ELMO1: variants seen among roughly 807,000 people sequenced by gnomAD.
ELMO1 encodes engulfment and cell motility 1.
In ELMO1, 26 loss-of-function variants were observed where a neutral mutation model predicts 98.9. The observed-to-expected ratio is 0.26, with a 90% CI of 0.19 to 0.36. ELMO1 has a LOEUF of 0.36. Ranked by LOEUF, ELMO1 falls within the 10% of genes least tolerant of loss-of-function variation. The probability of loss-of-function intolerance (pLI) is 1.00; values close to 1 mark genes in which losing one functional copy is unlikely to be tolerated. For synonymous variants in ELMO1, 346 were observed against 346.0 expected (o/e 1.00, Z 0.00); for missense variants, 627 against 935.2 (o/e 0.67, Z 4.30).
At chr7:37,326,558 A>G (rs1247084558) in intron 2 of ELMO1, among the ~76,000 whole-genome samples, 1 of 148,322 alleles carries the variant, frequency 6.7e-6, no homozygotes, top group African/African-American at 2.6e-5. Flanking sequence ...CCATCTCAAA[A>G]AAAAAAAAAA....
chr7:37,345,621 C>T (rs146197032), intron 1 of ELMO1, among the ~76,000 whole-genome samples: 59 of 150,692 alleles, frequency 3.9e-4, no homozygotes, highest in Non-Finnish European at 7.8e-4. Flanking sequence ...ACAAGAGAAT[C>T]ATTTGAACCC....
intron 4 of ELMO1, among the ~76,000 whole-genome samples, chr7:37,283,318 T>A (rs1797233688): frequency 1.3e-5 from 2 of 152,174 alleles, no homozygotes; most frequent in Non-Finnish European, 1.5e-5. Context: ...AGATTAAATT[T>A]AATTTAAAAA....
At chr7:37,270,621 A>C (rs1584899092) in intron 5 of ELMO1, 1 of 152,206 alleles carries the variant, frequency 6.6e-6, no homozygotes, top group East Asian at 1.9e-4. Flanking sequence ...CTGTAAAATA[A>C]TATAGTTAAA....
chr7:37,051,064 G>A (rs1037296316), intron 15 of ELMO1, among the ~76,000 whole-genome samples: 3 of 151,890 alleles, frequency 2.0e-5, no homozygotes, highest in Non-Finnish European at 2.9e-5. Flanking sequence ...TTCCTTTTTG[G>A]GTAAATGCAT....
chr7:37,411,735 C>T (rs1259412233), intron 1 of ELMO1, among the ~76,000 whole-genome samples: 5 of 152,118 alleles, frequency 3.3e-5, no homozygotes, highest in Non-Finnish European at 5.9e-5. Flanking sequence ...GGTTCATAAA[C>T]TTTTTCCGTT....
At chr7:37,310,187 A>C (rs966748370) in intron 4 of ELMO1, among the ~76,000 whole-genome samples, 21 of 152,236 alleles carry the variant, frequency 1.4e-4, no homozygotes, top group African/African-American at 4.8e-4. Flanking sequence ...CTGTGATTAC[A>C]AGATATGGAA....
At position 37,389,823 on chromosome 7, in the gene ELMO1, G is replaced by A. The variant is rs79213917; in HGVS notation, c.-73-47060C>T. ...AAAGAATGAAGCACGGGCATCCCCC[G>A]AGATTCTTACTAATTCTCCAGCATG... On this transcript the variant is annotated intron_variant, in intron 1 of 21. Coordinates refer to ENST00000310758, the MANE Select transcript of ELMO1 (RefSeq NM_014800.11). Among the ~76,000 whole-genome samples the A allele has an allele frequency of 1.7e-3, 259 of 152,176 alleles. 2 individuals carry two copies. The highest frequency in any genetic ancestry group is 5.9e-3 in the African/African-American group (246 of 41,534).
At chr7:36,971,794 G>A (rs761921378) in intron 16 of ELMO1, among the ~76,000 whole-genome samples, 4 of 152,130 alleles carry the variant, frequency 2.6e-5, no homozygotes, top group African/African-American at 7.2e-5. Context: ...AACTGGTGTC[G>A]GAGCGGGTCC....
At chr7:37,021,336 T>C (rs185904069) in intron 15 of ELMO1, among the ~76,000 whole-genome samples, 2 of 152,306 alleles carry the variant, frequency 1.3e-5, no homozygotes, top group Admixed American at 6.5e-5. Flanking sequence ...GGATAGTCTT[T>C]TGTATCCTAA....
chr7:37,084,400 C>T (rs1783651052), intron 15 of ELMO1, among the ~76,000 whole-genome samples: 1 of 152,206 alleles, frequency 6.6e-6, no homozygotes, highest in East Asian at 1.9e-4. Context: ...ATGTAAAACA[C>T]TGTGCTAGAA....
At chr7:37,107,494 C>T (rs1785016194) in intron 14 of ELMO1, among the ~76,000 whole-genome samples, 1 of 152,170 alleles carries the variant, frequency 6.6e-6, no homozygotes, top group Admixed American at 6.5e-5. Flanking sequence ...AGCAGAGAAG[C>T]CCCTATGCAT....
At chr7:37,442,089 A>G (rs1180863984) in intron 1 of ELMO1, among the ~76,000 whole-genome samples, 1 of 152,236 alleles carries the variant, frequency 6.6e-6, no homozygotes, top group East Asian at 1.9e-4. Context: ...ACCTGGAGAC[A>G]TCTGGGGTTG....
intron 1 of ELMO1, among the ~76,000 whole-genome samples, chr7:37,406,720 G>A (rs1359220704): frequency 6.6e-6 from 1 of 152,108 alleles, no homozygotes. Context: ...GGGATTACAG[G>A]CGGGAGCCAT....
At chr7:37,100,592 T>A (rs1457998437) in intron 14 of ELMO1, among the ~76,000 whole-genome samples, 1 of 152,246 alleles carries the variant, frequency 6.6e-6, no homozygotes, top group Non-Finnish European at 1.5e-5. Context: ...CTCTCTCTTT[T>A]GGGGGAGAGC....
At chr7:37,432,354 T>C (rs1731998) in intron 1 of ELMO1, among the ~76,000 whole-genome samples, 143,017 of 152,290 alleles carry the variant, frequency 0.94, 67,705 homozygotes, top group Non-Finnish European at 1. Context: ...TGTACTTGTA[T>C]TGAGGGAGAA....
intron 13 of ELMO1, among the ~76,000 whole-genome samples, chr7:37,174,478 G>A (rs1161524556): frequency 6.6e-6 from 1 of 152,184 alleles, no homozygotes; most frequent in Non-Finnish European, 1.5e-5. Flanking sequence ...GAAAGGGTCA[G>A]TTTGCCCCTG....
intron 8 of ELMO1, among the ~76,000 whole-genome samples, chr7:37,227,949 G>C (rs997249945): frequency 6.6e-6 from 1 of 152,012 alleles, no homozygotes; most frequent in South Asian, 2.1e-4. Context: ...CCTCTTCCTT[G>C]ACATAAATAA....
chr7:36,881,725 G>C (rs117386933), intron 18 of ELMO1, among the ~76,000 whole-genome samples: 1 of 152,124 alleles, frequency 6.6e-6, no homozygotes, highest in Non-Finnish European at 1.5e-5. Flanking sequence ...CTGGTAAGAA[G>C]GGCTGATTAA....
chr7:37,375,595 A>G, intron 1 of ELMO1: 1 of 1,122,958 alleles, frequency 8.9e-7, no homozygotes, highest in East Asian at 2.4e-5. Flanking sequence ...GTGGCCAAGA[A>G]GGATGTCCCC....
Sources: allele counts gnomAD v4.1 joint callset (sites outside exome capture counted in the v4.1 genomes callset), GRCh38; gene constraint gnomAD v4.1.1; transcripts MANE v1.5; gene names NCBI Gene and HGNC (gene_info 2026-07-23, HGNC 2026-07-21).